PPP2R5E: variants seen among roughly 807,000 people sequenced by gnomAD.
PPP2R5E encodes the protein serine/threonine-protein phosphatase 2A 56 kDa regulatory subunit epsilon isoform.
Under a neutral mutation model 65.3 loss-of-function variants are expected in PPP2R5E, and 4 were observed. That is an observed-to-expected ratio of 0.06 (90% CI 0.03 to 0.14). The LOEUF (loss-of-function observed/expected upper bound fraction) is 0.14, where lower values mean the gene tolerates loss of function less well. Ranked by LOEUF, PPP2R5E falls within the 10% of genes least tolerant of loss-of-function variation. PPP2R5E has a pLI of 1.00. For missense variants in PPP2R5E, 274 were observed against 556.1 expected (o/e 0.49, Z 5.10); for synonymous variants, 183 against 187.4 (o/e 0.98, Z 0.19).
At chr14:63,385,087 G>A (rs1027749542) in intron 11 of PPP2R5E, among the ~76,000 whole-genome samples, 2 of 152,042 alleles carry the variant, frequency 1.3e-5, no homozygotes, top group Admixed American at 6.5e-5. Flanking sequence ...AGCACTTTGG[G>A]AGGCCAAGGC....
chr14:63,507,701 T>C (rs1319807431), intron 2 of PPP2R5E, among the ~76,000 whole-genome samples: 3 of 150,470 alleles, frequency 2.0e-5, no homozygotes, highest in Non-Finnish European at 3.0e-5. Flanking sequence ...TGCCTCAGCC[T>C]GCCAAGTAGC....
Position 63,474,673 on chromosome 14 carries a change from C to CAA in PPP2R5E, c.158-20790_158-20789dup, listed in dbSNP as rs1157357885. On this transcript the variant is annotated intron_variant, in intron 2 of 13. Transcript: ENST00000337537. ...TGGGCAATAGAGTGATACCCCATCTCAAAAAAAAAAAAAAAAAAAAAAAAA... is the reference window on the plus strand; with the variant it reads ...TGGGCAATAGAGTGATACCCCATCTCAAAAAAAAAAAAAAAAAAAAAAAAAAA... Among the ~76,000 whole-genome samples the CAA allele has an allele frequency of 5.5e-3, 153 of 27,726 alleles. 15 individuals are homozygous for CAA. Among genetic ancestry groups the CAA allele is most frequent in the African/African-American group, 9.7e-3 (98 of 10,104 alleles). The allele number at this position is 27,726 out of a possible 152,430, so 18.2% of individuals were successfully genotyped here. A position where few individuals can be genotyped will look rare whatever the true frequency, so the allele number is the denominator to read the frequency against.
chr14:63,388,089 G>A (rs926169120), intron 11 of PPP2R5E, among the ~76,000 whole-genome samples: 18 of 151,434 alleles, frequency 1.2e-4, no homozygotes, highest in Non-Finnish European at 2.4e-4. Context: ...TCTGAGTAAC[G>A]CTTAGGCCTT....
In PPP2R5E at chr14:63,382,069, A is replaced by C; in HGVS notation, c.1291T>G (p.Ser431Ala). The part of the protein sequence containing the change: ...MFDELTATYK[S>A]DRQREKKKEK... Reference sequence around the variant, plus strand: ...TTAAAAAGTTACCGCTGACGATCTGACTTGTATGTGGCTGTCAGCTCGTCA... The same window carrying C: ...TTAAAAAGTTACCGCTGACGATCTGCCTTGTATGTGGCTGTCAGCTCGTCA... Residue 431 changes from serine to alanine, a missense_variant, in exon 13 of 14, where the codon TCA (serine) becomes GCA (alanine). By Grantham distance (99) the Ser-to-Ala change is moderately conservative. Around this residue, in one of 6 missense-constraint regions of PPP2R5E, gnomAD observed 129 missense variants for 254.9 expected, o/e 0.51. Transcript: ENST00000337537. 1 of 1,613,358 alleles carries C rather than the reference A, an allele frequency of 6.2e-7. No homozygotes were observed. Among genetic ancestry groups the C allele is most frequent in the Non-Finnish European group, 8.5e-7 (1 of 1,179,576 alleles).
intron 3 of PPP2R5E, among the ~76,000 whole-genome samples, chr14:63,442,855 G>A (rs1435389362): frequency 1.3e-5 from 2 of 152,062 alleles, no homozygotes; most frequent in Non-Finnish European, 2.9e-5. Flanking sequence ...TCAGATGCAG[G>A]AAGATGAAAA....
At chr14:63,454,435 A>G (rs757564743) in intron 2 of PPP2R5E, among the ~76,000 whole-genome samples, 8 of 152,194 alleles carry the variant, frequency 5.3e-5, no homozygotes, top group Non-Finnish European at 1.2e-4. Flanking sequence ...CTACTAAATG[A>G]AACAATACCA....
intron 3 of PPP2R5E, among the ~76,000 whole-genome samples, chr14:63,446,690 G>A (rs1276712933): frequency 2.0e-5 from 3 of 151,858 alleles, no homozygotes; most frequent in Non-Finnish European, 4.4e-5. Context: ...TTATCTGGGC[G>A]CAGTGGCAGG....
At chr14:63,428,814 A>G (rs1002881346) in intron 3 of PPP2R5E, among the ~76,000 whole-genome samples, 2 of 152,242 alleles carry the variant, frequency 1.3e-5, no homozygotes, top group Admixed American at 6.5e-5. Flanking sequence ...TACAACTGTT[A>G]TATTTCTAAA....
At chr14:63,388,347 G>T (rs8020616) in intron 11 of PPP2R5E, among the ~76,000 whole-genome samples, 1 of 152,084 alleles carries the variant, frequency 6.6e-6, no homozygotes, top group East Asian at 1.9e-4. Context: ...CACCATGGTG[G>T]CCAGGCTGGT....
At chr14:63,542,488 C>A (rs1893940824) in intron 1 of PPP2R5E, among the ~76,000 whole-genome samples, 1 of 152,206 alleles carries the variant, frequency 6.6e-6, no homozygotes, top group African/African-American at 2.4e-5. Context: ...CACCAAACCC[C>A]TCTTTATTCC....
At chr14:63,428,285 T>C (rs1887448476) in intron 3 of PPP2R5E, among the ~76,000 whole-genome samples, 1 of 152,224 alleles carries the variant, frequency 6.6e-6, no homozygotes, top group Non-Finnish European at 1.5e-5. Flanking sequence ...TCAGAATGTC[T>C]GGCACCTAAT....
At chr14:63,447,873 G>A (rs552693454) in intron 3 of PPP2R5E, among the ~76,000 whole-genome samples, 2 of 152,280 alleles carry the variant, frequency 1.3e-5, no homozygotes, top group African/African-American at 4.8e-5. Flanking sequence ...GTGTCTCGGG[G>A]AATAGGGAGG....
intron 3 of PPP2R5E, among the ~76,000 whole-genome samples, chr14:63,424,632 T>A (rs1387207710): frequency 1.3e-5 from 2 of 151,646 alleles, no homozygotes; most frequent in African/African-American, 4.8e-5. Flanking sequence ...GCGCCTGTAG[T>A]CCCAGCTACT....
At position 63,374,981 on chromosome 14, in the gene PPP2R5E, G is replaced by C. The variant is rs1883907494; in HGVS notation, c.*1028C>G. 6.6e-6 allele frequency: 1 copy of C among 152,454 alleles called. No homozygotes were observed. The highest frequency in any genetic ancestry group is 1.5e-5 in the Non-Finnish European group (1 of 67,922). The allele number at this position is 152,454 out of a possible 1,614,324, so 9.4% of individuals were successfully genotyped here. A position where few individuals can be genotyped will look rare whatever the true frequency, so the allele number is the denominator to read the frequency against. The stretch of plus-strand genomic sequence containing the variant: ...ACTGTAACATGTTTGTTTTTTCCCA[G>C]AGGCTACATCCTCTTTTGCTGGAAT... On this transcript the variant is annotated 3_prime_UTR_variant, in exon 14 of 14. Coordinates refer to ENST00000337537, the MANE Select transcript of PPP2R5E (RefSeq NM_006246.5).
intron 5 of PPP2R5E, among the ~76,000 whole-genome samples, chr14:63,398,934 G>C (rs1196405203): frequency 6.6e-6 from 1 of 152,172 alleles, no homozygotes; most frequent in Non-Finnish European, 1.5e-5. Flanking sequence ...ATGTAAAATG[G>C]TGCAGCTATT....
At chr14:63,521,530 G>A (rs1466464186) in intron 2 of PPP2R5E, among the ~76,000 whole-genome samples, 2 of 152,190 alleles carry the variant, frequency 1.3e-5, no homozygotes, top group African/African-American at 2.4e-5. Context: ...AGCCAGGCAT[G>A]GTGGCACATG....
chr14:63,447,896 G>A (rs1460391152), intron 3 of PPP2R5E, among the ~76,000 whole-genome samples: 1 of 152,158 alleles, frequency 6.6e-6, no homozygotes, highest in African/African-American at 2.4e-5. Context: ...TGAGAAGAGG[G>A]ACAGAGGCTG....
chr14:63,521,510 T>C (rs1437092941), intron 2 of PPP2R5E, among the ~76,000 whole-genome samples: 3 of 152,008 alleles, frequency 2.0e-5, no homozygotes, highest in Non-Finnish European at 2.9e-5. Flanking sequence ...CTACTAAAAA[T>C]ACAAAAATTA....
chr14:63,438,026 A>G (rs1888029436), intron 3 of PPP2R5E, among the ~76,000 whole-genome samples: 1 of 152,126 alleles, frequency 6.6e-6, no homozygotes, highest in Non-Finnish European at 1.5e-5. Context: ...TTTCAGAGGC[A>G]ACTTGCTCCT....
Sources: gnomAD v4.1 joint callset for allele counts (sites outside exome capture counted in the v4.1 genomes callset) on GRCh38, gnomAD v4.1.1 for gene constraint, gnomAD v4.1.1 regional missense constraint, MANE v1.5 for transcripts, NCBI Gene and HGNC (gene_info 2026-07-23, HGNC 2026-07-21) for gene names.